The following SKAP1 variants were observed in gnomAD, a reference collection of about 807,000 sequenced individuals.
SKAP1 encodes src kinase-associated phosphoprotein 1.
In SKAP1, 44 loss-of-function variants were observed where a neutral mutation model predicts 58.5. The ratio of observed to expected loss-of-function variants is 0.75; its 90% CI spans 0.59 to 0.97. The LOEUF is 0.97. SKAP1 is among the 50% of genes least tolerant of loss of function. SKAP1 has a pLI of 0.00. For synonymous variants in SKAP1, 127 were observed against 149.7 expected (o/e 0.85, Z 1.11); for missense variants, 390 against 435.2 (o/e 0.90, Z 0.92).
chr17:48,435,919 AGAG>A, the SKAP1 span, among the ~76,000 whole-genome samples: 2 of 152,276 alleles, frequency 1.3e-5, no homozygotes, highest in Non-Finnish European at 2.9e-5. Context: ...CACTAGAGTC[AGAG>A]ATAAAAACAG....
At chr17:48,194,446 A>C (rs531536181) in intron 4 of SKAP1, among the ~76,000 whole-genome samples, 1 of 152,318 alleles carries the variant, frequency 6.6e-6, no homozygotes, top group African/African-American at 2.4e-5. Context: ...AGCAGTCAAT[A>C]AAAAAGACAC....
At chr17:48,295,117 C>G (rs2065949687) in intron 4 of SKAP1, among the ~76,000 whole-genome samples, 1 of 152,118 alleles carries the variant, frequency 6.6e-6, no homozygotes, top group Non-Finnish European at 1.5e-5. Context: ...ATGAAACAAC[C>G]TGTAGAAAGC....
intron 2 of SKAP1, among the ~76,000 whole-genome samples, chr17:48,384,099 G>A (rs1474300019): frequency 2.0e-5 from 3 of 152,194 alleles, no homozygotes; most frequent in Admixed American, 6.5e-5. Flanking sequence ...AACAGGGAGA[G>A]ACTGGAGGCA....
rs538774723 is a variant in SKAP1, at chr17:48,167,038, T to C, written c.877+3571A>G. Among the ~76,000 whole-genome samples, 5 of 152,272 alleles carry C rather than the reference T, an allele frequency of 3.3e-5. No homozygotes were observed. In the East Asian group the frequency reaches 9.7e-4, roughly 29 times the overall value. ...TGCCACCACACCCAGCTAATCTTTT[T>C]AATTTTTTGAAAACACAGGGTCTCA... On this transcript the variant is annotated intron_variant, in intron 10 of 12. Transcript: ENST00000336915.
At chr17:48,441,032 A>C in the SKAP1 span, among the ~76,000 whole-genome samples, 1 of 152,204 alleles carries the variant, frequency 6.6e-6, no homozygotes, top group Non-Finnish European at 1.5e-5. Context: ...TCTAATTCAC[A>C]TGAGATGCTG....
At chr17:48,144,681 C>T (rs2063807589) in intron 11 of SKAP1, among the ~76,000 whole-genome samples, 1 of 152,180 alleles carries the variant, frequency 6.6e-6, no homozygotes, top group Admixed American at 6.5e-5. Context: ...AACCCTGCTC[C>T]TGTCTAAAGG....
intron 4 of SKAP1, among the ~76,000 whole-genome samples, chr17:48,229,296 T>G (rs2143771298): frequency 1.3e-5 from 2 of 152,312 alleles, no homozygotes; most frequent in East Asian, 3.8e-4. Flanking sequence ...ATCAGTTAAG[T>G]TAGCAGTACT....
chr17:48,309,446 T>C (rs1000311026), intron 4 of SKAP1, among the ~76,000 whole-genome samples: 1 of 152,128 alleles, frequency 6.6e-6, no homozygotes, highest in African/African-American at 2.4e-5. Flanking sequence ...TCTAAGGATA[T>C]AAATAATATC....
chr17:48,147,889 T>C (rs553527684), intron 11 of SKAP1, among the ~76,000 whole-genome samples: 13 of 147,470 alleles, frequency 8.8e-5, no homozygotes, highest in African/African-American at 2.5e-4. Context: ...AATCTGGAGA[T>C]TGATGGGCCT....
intron 4 of SKAP1, among the ~76,000 whole-genome samples, chr17:48,286,389 T>G (rs1003510017): frequency 1.3e-5 from 2 of 152,360 alleles, no homozygotes; most frequent in Middle Eastern, 3.4e-3. Flanking sequence ...CTTTTGTAAT[T>G]ATACCTAAAC....
chr17:48,320,496 A>C (rs556188327), intron 4 of SKAP1, among the ~76,000 whole-genome samples: 78 of 152,358 alleles, frequency 5.1e-4, no homozygotes, highest in Non-Finnish European at 1.0e-3. Flanking sequence ...TGAACTTTAT[A>C]ACTCCTAAAA....
At chr17:48,137,377 T>G (rs375826607) in intron 11 of SKAP1, 40 bp from the exon 12 acceptor site, 11 of 1,372,814 alleles carry the variant, frequency 8.0e-6, no homozygotes, top group Non-Finnish European at 1.1e-5. Flanking sequence ...TAGAATTTGT[T>G]CATGCTTCTG....
In SKAP1 at chr17:48,325,248, CAAAAAAAAAA is replaced by C. The variant is rs200281665; in HGVS notation, c.280+20647_280+20656del. ...TGGGCGACAGAGTGAGACTCCGTCT[CAAAAAAAAAA>C]AAAAAAAAAAAAAAAAAAGACATAA... On this transcript the variant is annotated intron_variant, in intron 4 of 12. Transcript: ENST00000336915. Among the ~76,000 whole-genome samples the C allele has an allele frequency of 4.0e-3, 367 of 91,460 alleles. 3 individuals carry two copies. The highest frequency in any genetic ancestry group is 9.3e-3 in the African/African-American group (216 of 23,240). 60.0% of individuals were successfully genotyped at this position (91,460 alleles called of 152,430 possible).
At chr17:48,390,568 G>A (rs1441754031) in intron 2 of SKAP1, among the ~76,000 whole-genome samples, 1 of 152,184 alleles carries the variant, frequency 6.6e-6, no homozygotes, top group Non-Finnish European at 1.5e-5. Flanking sequence ...TCTATCAGGA[G>A]TAAAGCAAAT....
chr17:48,321,354 ATTATT>A (rs900840071), intron 4 of SKAP1, among the ~76,000 whole-genome samples: 6 of 33,564 alleles, frequency 1.8e-4, no homozygotes, highest in African/African-American at 4.7e-4. Context: ...TCTCATTATT[ATTATT>A]ATTATTATTA....
At chr17:48,297,574 C>G (rs1598528936) in intron 4 of SKAP1, among the ~76,000 whole-genome samples, 3 of 152,072 alleles carry the variant, frequency 2.0e-5, no homozygotes, top group African/African-American at 7.2e-5. Flanking sequence ...GGGTATTAAC[C>G]AATTAAAAGT....
In SKAP1 at chr17:48,148,594, T is replaced by G. The variant is rs759349961; in HGVS notation, c.979-11257A>C. Among the ~76,000 whole-genome samples the G allele has an allele frequency of 2.6e-5, 4 of 152,314 alleles. No individual in the cohort carries two copies. The East Asian group carries it at 7.7e-4, about 29-fold the overall frequency. ...GGAAATGTTTAATCTGCTCGGCCCA[T>G]CTGTGCTGCGTATTTCTCCAGATCT... On this transcript the variant is annotated intron_variant, in intron 11 of 12. Coordinates refer to ENST00000336915, the MANE Select transcript of SKAP1 (RefSeq NM_003726.4).
At position 48,315,890 on chromosome 17, in the gene SKAP1, C is replaced by T. The variant is rs183527145; in HGVS notation, c.280+30015G>A. On this transcript the variant is annotated intron_variant, in intron 4 of 12. Transcript: ENST00000336915. ...TTCATGTTTAGACTTGGATCCCATC[C>T]CCAAGATATTTCTTTAGGTATATGG... 1.4e-4 allele frequency among the ~76,000 whole-genome samples: 21 copies of T among 152,174 alleles called. No homozygotes were observed. The East Asian group carries it at 3.1e-3, about 22-fold the overall frequency.
At chr17:48,437,026 G>A in the SKAP1 span, among the ~76,000 whole-genome samples, 23 of 152,100 alleles carry the variant, frequency 1.5e-4, no homozygotes, top group African/African-American at 4.8e-4. Flanking sequence ...ATAGGTATTC[G>A]CCAGAGTTTC....
Sources: allele counts gnomAD v4.1 joint callset (sites outside exome capture counted in the v4.1 genomes callset), GRCh38; gene constraint gnomAD v4.1.1; transcripts MANE v1.5; gene names NCBI Gene and HGNC (gene_info 2026-07-23, HGNC 2026-07-21).